The following CELF2 variants were observed in gnomAD, a reference collection of about 807,000 sequenced individuals.
CELF2 encodes the protein CUG triplet repeat RNA-binding protein 2.
CELF2 carries 8 observed loss-of-function variants against 62.6 expected under a neutral mutation model. The ratio of observed to expected loss-of-function variants is 0.13; its 90% CI spans 0.07 to 0.23. The LOEUF is 0.23. Among genes scored for constraint, CELF2 ranks in the 10% least tolerant of loss-of-function variants. The pLI, the probability that CELF2 is intolerant of heterozygous loss-of-function variation, is 1.00. For synonymous variants in CELF2, 258 were observed against 250.0 expected (o/e 1.03, Z -0.30); for missense variants, 333 against 671.0 (o/e 0.50, Z 5.56).
chr10:11,216,517 C>T lies in CELF2; in HGVS notation c.272-908C>T, dbSNP rs538270625. The stretch of plus-strand genomic sequence containing the variant: ...AAATTTCAAGTTTTTGTCCTACCCT[C>T]TTTTCCCAAACTGATTGTGCTGAGA... On this transcript the variant is annotated intron_variant, in intron 2 of 12. Coordinates refer to ENST00000633077, the MANE Select transcript of CELF2 (RefSeq NM_001326342.2). Among the ~76,000 whole-genome samples the T allele has an allele frequency of 3.3e-4, 50 of 152,338 alleles. No homozygotes were observed. In the South Asian group the frequency reaches 0.01, roughly 32 times the overall value.
At chr10:10,672,192 T>A in the CELF2 span, among the ~76,000 whole-genome samples, 1 of 152,220 alleles carries the variant, frequency 6.6e-6, no homozygotes, top group African/African-American at 2.4e-5. Context: ...GTCTGTGACT[T>A]GCCTTTTTAT....
At chr10:11,121,589 T>G (rs2057746473) in intron 1 of CELF2, among the ~76,000 whole-genome samples, 1 of 152,196 alleles carries the variant, frequency 6.6e-6, no homozygotes, top group African/African-American at 2.4e-5. Context: ...CTTCAGGTGC[T>G]CCTGGTCAAA....
intron 1 of CELF2, among the ~76,000 whole-genome samples, chr10:10,810,051 T>C (rs1279849873): frequency 1.3e-5 from 2 of 152,234 alleles, no homozygotes; most frequent in African/African-American, 4.8e-5. Context: ...TATTTCCCTC[T>C]AAGCCAATTA....
chr10:11,000,842 GGAA>G (rs2054442241), upstream of CELF2, among the ~76,000 whole-genome samples: 1 of 152,192 alleles, frequency 6.6e-6, no homozygotes, highest in East Asian at 1.9e-4. Flanking sequence ...ACTGGGGTCT[GGAA>G]GAAGGATTGC....
At chr10:11,060,749 G>A (rs1344939314) in intron 1 of CELF2, among the ~76,000 whole-genome samples, 1 of 152,070 alleles carries the variant, frequency 6.6e-6, no homozygotes, top group East Asian at 1.9e-4. Context: ...TTGCATCTCT[G>A]TTTCACACTT....
At chr10:11,152,554 A>G (rs897428088) in intron 1 of CELF2, among the ~76,000 whole-genome samples, 5 of 152,190 alleles carry the variant, frequency 3.3e-5, no homozygotes, top group African/African-American at 7.2e-5. Context: ...CACCCTTTCA[A>G]CTTGTCACCT....
chr10:10,571,655 G>A, the CELF2 span, among the ~76,000 whole-genome samples: 1 of 152,104 alleles, frequency 6.6e-6, no homozygotes, highest in Non-Finnish European at 1.5e-5. Flanking sequence ...GGTACATGGG[G>A]CATCATTAGG....
the CELF2 span, among the ~76,000 whole-genome samples, chr10:10,521,625 T>G: frequency 9.8e-5 from 15 of 152,328 alleles, no homozygotes; most frequent in Non-Finnish European, 1.6e-4. Flanking sequence ...CAGATCTTCA[T>G]GTAACTCGTC....
chr10:10,507,694 G>A, the CELF2 span, among the ~76,000 whole-genome samples: 2 of 152,146 alleles, frequency 1.3e-5, no homozygotes, highest in South Asian at 2.1e-4. Context: ...TGGGAAGATG[G>A]AGGGTGTGCT....
chr10:10,898,550 G>A (rs1210437101), intron 1 of CELF2, among the ~76,000 whole-genome samples: 2 of 152,122 alleles, frequency 1.3e-5, no homozygotes, highest in African/African-American at 2.4e-5. Context: ...ATCATAAAAT[G>A]GTCAGTTTAT....
chr10:10,725,395 C>G, the CELF2 span, among the ~76,000 whole-genome samples: 1 of 152,078 alleles, frequency 6.6e-6, no homozygotes, highest in African/African-American at 2.4e-5. Flanking sequence ...TTAAATAGTC[C>G]GCAACAGTAC....
intron 1 of CELF2, among the ~76,000 whole-genome samples, chr10:11,073,785 G>A (rs1220837188): frequency 3.9e-5 from 6 of 152,210 alleles, no homozygotes; most frequent in Admixed American, 3.9e-4. Flanking sequence ...GCAGGGTGGT[G>A]GCTGGGAAAC....
the CELF2 span, among the ~76,000 whole-genome samples, chr10:10,754,972 A>G: frequency 4.6e-5 from 7 of 152,230 alleles, no homozygotes; most frequent in Non-Finnish European, 1.0e-4. Flanking sequence ...TTCCCTCAAT[A>G]AGTAGATCAT....
intron 1 of CELF2, among the ~76,000 whole-genome samples, chr10:11,144,690 C>T (rs2061934408): frequency 6.6e-6 from 1 of 151,382 alleles, no homozygotes; most frequent in African/African-American, 2.4e-5. Context: ...GCCAGGAGTT[C>T]AAGACCACTC....
chr10:11,112,661 A>G (rs2055504361), intron 1 of CELF2, among the ~76,000 whole-genome samples: 2 of 152,258 alleles, frequency 1.3e-5, no homozygotes, highest in South Asian at 4.1e-4. Context: ...GTAAACAACG[A>G]TATTTATGGG....
intron 1 of CELF2, among the ~76,000 whole-genome samples, chr10:10,912,732 A>G (rs1320291796): frequency 6.6e-6 from 1 of 152,226 alleles, no homozygotes; most frequent in African/African-American, 2.4e-5. Flanking sequence ...GTGCAGGAGT[A>G]TACAGCATAG....
rs951693984 is a variant in CELF2, at chr10:11,224,738, G to A, written c.354+7231G>A. ...CTTTAATCTTTGACATCAGCTGAGC[G>A]TAACTCAGGAGATGATGTCCAGGTG... On this transcript the variant is annotated intron_variant, in intron 3 of 12. Coordinates refer to ENST00000633077, the MANE Select transcript of CELF2 (RefSeq NM_001326342.2). This position sits in a 1 kb window ranked among gnomAD's most constrained non-coding sequence, Gnocchi z 4.5. Among the ~76,000 whole-genome samples, 2 of 152,138 alleles carry A rather than the reference G, an allele frequency of 1.3e-5. No individual in the cohort carries two copies. The highest frequency in any genetic ancestry group is 1.9e-4 in the East Asian group (1 of 5,182).
chr10:10,505,506 T>C, the CELF2 span, among the ~76,000 whole-genome samples: 7 of 151,920 alleles, frequency 4.6e-5, no homozygotes, highest in South Asian at 2.1e-4. Context: ...CTCCCCTACA[T>C]AGAGACCACT....
chr10:10,632,752 G>A, the CELF2 span, among the ~76,000 whole-genome samples: 19 of 152,228 alleles, frequency 1.2e-4, no homozygotes, highest in African/African-American at 4.6e-4. Context: ...AAGGTAGAAA[G>A]GTAGGTCCTC....
Sources: gnomAD v4.1 joint callset for allele counts (sites outside exome capture counted in the v4.1 genomes callset) on GRCh38, gnomAD v4.1.1 for gene constraint, Gnocchi (gnomAD v3.1) non-coding constraint, MANE v1.5 for transcripts, NCBI Gene and HGNC (gene_info 2026-07-23, HGNC 2026-07-21) for gene names.